Variants in DPH6 observed in about 807,000 individuals in gnomAD.
DPH6 encodes diphthine--ammonia ligase.
DPH6 carries 33 observed loss-of-function variants against 38.2 expected under a neutral mutation model. The ratio of observed to expected loss-of-function variants is 0.86; its 90% CI spans 0.65 to 1.15. The LOEUF is 1.15. DPH6 is among the 50% of genes most tolerant of loss of function. The pLI is 0.00. For missense variants in DPH6, 325 were observed against 320.0 expected, an observed-to-expected ratio of 1.02 and a Z score of -0.12; for synonymous variants, 108 against 103.0, an observed-to-expected ratio of 1.05 and a Z score of -0.30.
At chr15:35,177,206 G>T in the DPH6 span, among the ~76,000 whole-genome samples, 1 of 152,068 alleles carries the variant, frequency 6.6e-6, no homozygotes, top group South Asian at 2.1e-4. Flanking sequence ...GAAAAGAGGT[G>T]TTAAGTACAT....
At chr15:35,164,892 C>G in the DPH6 span, among the ~76,000 whole-genome samples, 1 of 151,884 alleles carries the variant, frequency 6.6e-6, no homozygotes, top group East Asian at 1.9e-4. Flanking sequence ...GTTAATGCCA[C>G]TATAGGTGTT....
Position 35,363,374 on chromosome 15 carries a change from T to C in DPH6, n.207+10147A>G, listed in dbSNP as rs573183477. On this transcript the variant is annotated intron_variant and non_coding_transcript_variant, in intron 3 of 3. Coordinates refer to the DPH6 transcript ENST00000558973. ...TCCTGAAGAATTGAGCATTTTAACATATTGCAGTGTACTTTACAATAATGC... is the reference window on the plus strand; with the variant it reads ...TCCTGAAGAATTGAGCATTTTAACACATTGCAGTGTACTTTACAATAATGC... Among the ~76,000 whole-genome samples the C allele has an allele frequency of 1.4e-3, 219 of 152,316 alleles. 1 individual carries two copies. The highest frequency in any genetic ancestry group is 5.1e-3 in the African/African-American group (213 of 41,588).
chr15:35,299,696 CCTTAGGGAAAGA>C (rs1281010298), intron 3 of DPH6, among the ~76,000 whole-genome samples: 1 of 152,252 alleles, frequency 6.6e-6, no homozygotes, highest in Non-Finnish European at 1.5e-5. Flanking sequence ...CATAGATACA[CCTTAGGGAAAGA>C]CTTCCCTGAC....
intron 3 of DPH6, among the ~76,000 whole-genome samples, chr15:35,279,341 T>C (rs73393305): frequency 0.026 from 3,992 of 152,058 alleles, 169 homozygotes; most frequent in African/African-American, 0.091. Flanking sequence ...TGGGGGACTA[T>C]TGAGATGGGA....
chr15:35,283,141 TTCC>T (rs1215591245), intron 3 of DPH6, among the ~76,000 whole-genome samples: 265 of 151,012 alleles, frequency 1.8e-3, no homozygotes, highest in African/African-American at 6.2e-3. Context: ...TCTCTTCTTC[TTCC>T]TCTTCCTCTT....
chr15:35,250,328 A>G (rs1472674136), intron 3 of DPH6, among the ~76,000 whole-genome samples: 1 of 152,178 alleles, frequency 6.6e-6, no homozygotes, highest in African/African-American at 2.4e-5. Flanking sequence ...CCCACAACAG[A>G]GAAGAGAGGC....
At chr15:35,271,273 CATT>C (rs776932112) in intron 3 of DPH6, among the ~76,000 whole-genome samples, 37 of 152,168 alleles carry the variant, frequency 2.4e-4, no homozygotes, top group Non-Finnish European at 5.0e-4. Context: ...CACAAACAGG[CATT>C]ATTCACCCTT....
the DPH6 span, among the ~76,000 whole-genome samples, chr15:35,197,263 G>T: frequency 2.0e-4 from 30 of 152,162 alleles, no homozygotes; most frequent in Non-Finnish European, 2.9e-4. Flanking sequence ...AATGGCAGCA[G>T]TAAAGGGAAA....
intron 3 of DPH6, among the ~76,000 whole-genome samples, chr15:35,499,218 T>C (rs1338669730): frequency 6.6e-6 from 1 of 152,184 alleles, no homozygotes; most frequent in Non-Finnish European, 1.5e-5. Context: ...CACTTCCCTT[T>C]GCTCTTGACA....
At chr15:35,151,441 A>T in the DPH6 span, among the ~76,000 whole-genome samples, 1 of 152,234 alleles carries the variant, frequency 6.6e-6, no homozygotes, top group Non-Finnish European at 1.5e-5. Flanking sequence ...AGAATATAGC[A>T]GATCCTCAAA....
downstream of DPH6, among the ~76,000 whole-genome samples, chr15:35,328,144 T>C (rs1478654545): frequency 2.0e-5 from 3 of 152,154 alleles, no homozygotes; most frequent in East Asian, 5.8e-4. Context: ...CCATATTTCC[T>C]CATTGTGAAA....
intron 3 of DPH6, among the ~76,000 whole-genome samples, chr15:35,507,355 T>C (rs534073244): frequency 1.7e-4 from 26 of 152,144 alleles, no homozygotes; most frequent in Admixed American, 1.0e-3. Flanking sequence ...TATGTATGAA[T>C]AGAAATGTCC....
intron 3 of DPH6, chr15:35,237,255 G>A (rs937792906): frequency 2.9e-6 from 4 of 1,377,108 alleles, no homozygotes; most frequent in Non-Finnish European, 1.0e-6. Context: ...AGCCTTGAAA[G>A]TGCTAAAACG....
chr15:35,180,067 G>A, the DPH6 span, among the ~76,000 whole-genome samples: 17 of 152,184 alleles, frequency 1.1e-4, no homozygotes, highest in Non-Finnish European at 1.9e-4. Flanking sequence ...ATGATCTAAC[G>A]AAAGAATATG....
At chr15:35,190,938 G>T in the DPH6 span, among the ~76,000 whole-genome samples, 5,833 of 152,192 alleles carry the variant, frequency 0.038, 119 homozygotes, top group Middle Eastern at 0.048. Flanking sequence ...CTTGCAGTGG[G>T]GTGTGGGGAG....
the DPH6 span, among the ~76,000 whole-genome samples, chr15:35,204,636 A>C: frequency 1.3e-5 from 2 of 151,792 alleles, no homozygotes; most frequent in Non-Finnish European, 3.0e-5. Flanking sequence ...CTTTCATGAG[A>C]AAAACCTCTA....
At chr15:35,458,562 T>C (rs1044470431) in intron 3 of DPH6, among the ~76,000 whole-genome samples, 1 of 152,168 alleles carries the variant, frequency 6.6e-6, no homozygotes, top group Admixed American at 6.5e-5. Flanking sequence ...CCCTGACCCA[T>C]ATCATTTGGG....
chr15:35,293,371 C>T (rs1046390140), intron 3 of DPH6, among the ~76,000 whole-genome samples: 4 of 152,190 alleles, frequency 2.6e-5, no homozygotes, highest in Non-Finnish European at 4.4e-5. Context: ...GGCTTATCTC[C>T]TTTTCCTGTA....
chr15:35,231,185 A>C (rs1477188255), intron 3 of DPH6, among the ~76,000 whole-genome samples: 1 of 152,260 alleles, frequency 6.6e-6, no homozygotes, highest in African/African-American at 2.4e-5. Flanking sequence ...TGGAGTTCCC[A>C]TCAGTGGGAT....
Sources: gnomAD v4.1 joint callset for allele counts (sites outside exome capture counted in the v4.1 genomes callset) on GRCh38, gnomAD v4.1.1 for gene constraint, MANE v1.5 for transcripts, NCBI Gene and HGNC (gene_info 2026-07-23, HGNC 2026-07-21) for gene names.